The following PNPLA7 variants were observed in gnomAD, a reference collection of about 807,000 sequenced individuals.
PNPLA7 encodes patatin like domain 7, lysophospholipase.
A neutral mutation model predicts 161.7 loss-of-function variants in PNPLA7; 153 were observed. The observed-to-expected ratio is 0.95, with a 90% CI of 0.83 to 1.08. PNPLA7 has a LOEUF of 1.08. PNPLA7 is among the 50% of genes least tolerant of loss of function. The pLI, the probability that PNPLA7 is intolerant of heterozygous loss-of-function variation, is 0.00. For synonymous variants in PNPLA7, 809 were observed against 782.1 expected (o/e 1.03, Z -0.57); for missense variants, 1,739 against 1,856.6 (o/e 0.94, Z 1.16).
intron 8 of PNPLA7, among the ~76,000 whole-genome samples, chr9:137,527,621 A>T (rs1235964401): frequency 2.0e-5 from 3 of 152,200 alleles, no homozygotes; most frequent in African/African-American, 7.2e-5. Flanking sequence ...ATGATGTATT[A>T]TCCTTTTCCA....
At chr9:137,516,722 G>C (rs75806404) in intron 11 of PNPLA7, 9 of 161,864 alleles carry the variant, frequency 5.6e-5, no homozygotes, top group Non-Finnish European at 7.8e-5. Flanking sequence ...GGAGGCTGAC[G>C]CAGGAGAATC....
At chr9:137,462,458 G>T in intron 30 of PNPLA7, 127 bp from the exon 31 acceptor site, 1 of 1,452,990 alleles carries the variant, frequency 6.9e-7, no homozygotes, top group Non-Finnish European at 9.1e-7. Context: ...GGAGAGGGTA[G>T]CAGCACCCGG....
At chr9:137,466,596 C>A (rs1467260516) in intron 26 of PNPLA7, among the ~76,000 whole-genome samples, 2 of 149,208 alleles carry the variant, frequency 1.3e-5, no homozygotes, top group Non-Finnish European at 3.0e-5. Flanking sequence ...ACCACCTCCA[C>A]CAACTCAGAC....
intron 20 of PNPLA7, among the ~76,000 whole-genome samples, chr9:137,485,928 G>C (rs574525782): frequency 1.3e-5 from 2 of 152,170 alleles, no homozygotes; most frequent in South Asian, 4.1e-4. Context: ...ACTGGATGCC[G>C]TCTGGCGAGT....
At chr9:137,501,555 A>G (rs972000216) in intron 15 of PNPLA7, 95 bp downstream of exon 15, 11 of 1,205,990 alleles carry the variant, frequency 9.1e-6, no homozygotes, top group African/African-American at 7.6e-5. Flanking sequence ...GTCCCCAGTC[A>G]CTGGTGTCCA....
chr9:137,468,078 T>TG lies in PNPLA7; in HGVS notation c.2883-606_2883-605insC, dbSNP rs1831558045. Among the ~76,000 whole-genome samples the TG allele has an allele frequency of 1.3e-5, 2 of 151,342 alleles. No individual in the cohort carries two copies. The highest frequency in any genetic ancestry group is 3.0e-5 in the Non-Finnish European group (2 of 67,796). ...CTGAGAGGTGGTGGGAAAACTGGAC[T>TG]TGAGGGGCCCTGGAAGGGAGGAGCC... On this transcript the variant is annotated intron_variant, in intron 25 of 34. Transcript: ENST00000406427. The surrounding 1 kb of genome is among the most constrained non-coding windows in gnomAD (Gnocchi z 4.0).
At position 137,541,391 on chromosome 9, in the gene PNPLA7, G is replaced by A. The variant is rs1182584359; in HGVS notation, c.667-669C>T. 4 of 983,176 alleles carry A rather than the reference G, an allele frequency of 4.1e-6. No homozygotes were observed. Among genetic ancestry groups the A allele is most frequent in the Non-Finnish European group, 4.8e-6 (4 of 828,022 alleles). 60.9% of individuals were successfully genotyped at this position (983,176 alleles called of 1,614,324 possible). ...CCTTTCCCTTCTAATAACCCATCAA[G>A]TCCAGCCACAGACAAAGCGACAAAC... is the stretch of plus-strand genomic sequence containing the variant. On this transcript the variant is annotated intron_variant, in intron 7 of 34. Coordinates refer to ENST00000406427, the MANE Select transcript of PNPLA7 (RefSeq NM_001098537.3). This position sits in a 1 kb window ranked among gnomAD's most constrained non-coding sequence, Gnocchi z 4.4.
At chr9:137,542,421 A>G (rs1836254308) in intron 7 of PNPLA7, among the ~76,000 whole-genome samples, 1 of 152,208 alleles carries the variant, frequency 6.6e-6, no homozygotes, top group South Asian at 2.1e-4. Flanking sequence ...CAGTGAGCTG[A>G]GATCACACCA....
intron 4 of PNPLA7, among the ~76,000 whole-genome samples, chr9:137,545,414 G>A (rs946244734): frequency 7.9e-5 from 12 of 152,296 alleles, no homozygotes; most frequent in African/African-American, 2.6e-4. Context: ...CTGGCCGAGC[G>A]TGAGGCCCTC....
intron 28 of PNPLA7, among the ~76,000 whole-genome samples, chr9:137,463,820 G>A (rs1334804938): frequency 1.3e-5 from 2 of 152,032 alleles, no homozygotes; most frequent in East Asian, 1.9e-4. Context: ...TGAACCAGGT[G>A]AGCCCCTCAC....
chr9:137,543,825 C>T lies in PNPLA7; in HGVS notation c.274-10G>A. The T allele has an allele frequency of 3.1e-6, 5 of 1,610,284 alleles. No individual in the cohort carries two copies. Among genetic ancestry groups the T allele is most frequent in the Non-Finnish European group, 4.2e-6 (5 of 1,177,154 alleles). On this transcript the variant is annotated splice_polypyrimidine_tract_variant and intron_variant, in intron 4 of 34. Coordinates refer to ENST00000406427, the MANE Select transcript of PNPLA7 (RefSeq NM_001098537.3). The surrounding 1 kb of genome is among the most constrained non-coding windows in gnomAD (Gnocchi z 6.9). ...TGGGGAGTGTGGTCACCTGCAGAGC[C>T]AAGGGAGAGACCAGCCACTGACCCT...
chr9:137,462,331 C>A lies in PNPLA7; in HGVS notation c.3493G>T (p.Val1165Leu). Residue 1165 changes from valine (V) to leucine (L), a missense_variant and splice_region_variant, in exon 31 of 35, where the codon GTG becomes TTG. Coordinates refer to ENST00000406427, the MANE Select transcript of PNPLA7 (RefSeq NM_001098537.3). ...GTCTGAATCTCTGCCATGTTCAACA[C>A]CTGCTGCCGTCACAGCCGCCTGAGT... is the stretch of plus-strand genomic sequence containing the variant. The part of the protein sequence containing the change: ...RWNPLATKVK[V>L]LNMAEIQTRL... The A allele has an allele frequency of 1.3e-6, 2 of 1,596,202 alleles. No homozygotes were observed.
chr9:137,527,998 C>T (rs1015003920), intron 8 of PNPLA7, among the ~76,000 whole-genome samples: 1 of 152,184 alleles, frequency 6.6e-6, no homozygotes, highest in Non-Finnish European at 1.5e-5. Flanking sequence ...AGGAATTTGT[C>T]AATTTAATCT....
intron 3 of PNPLA7, 35 bp from the exon 4 acceptor site, chr9:137,546,944 C>T (rs1410527621): frequency 1.5e-5 from 24 of 1,601,778 alleles, no homozygotes; most frequent in Non-Finnish European, 2.1e-5. Context: ...TGAGGTAGAG[C>T]CGTGGCACAG....
intron 12 of PNPLA7, among the ~76,000 whole-genome samples, chr9:137,506,981 A>C (rs1452923618): frequency 6.6e-6 from 1 of 152,246 alleles, no homozygotes; most frequent in East Asian, 1.9e-4. Flanking sequence ...TGCCACACAG[A>C]TGCCGCAGCC....
At chr9:137,494,774 G>A (rs1366880318) in intron 19 of PNPLA7, among the ~76,000 whole-genome samples, 1 of 132,602 alleles carries the variant, frequency 7.5e-6, no homozygotes, top group African/African-American at 3.0e-5. Context: ...CCTGCTCCGT[G>A]ACCTCATCCA....
chr9:137,478,488 G>C (rs540511679), intron 24 of PNPLA7: 457 of 239,020 alleles, frequency 1.9e-3, no homozygotes, highest in Non-Finnish European at 2.9e-3. Context: ...TCCTGCAGCA[G>C]ATGGTGCCTT....
intron 20 of PNPLA7, among the ~76,000 whole-genome samples, chr9:137,485,167 C>A (rs1307294786): frequency 7.9e-5 from 12 of 152,280 alleles, no homozygotes; most frequent in Admixed American, 7.8e-4. Context: ...CCCCACACAG[C>A]AGGTCTGACC....
chr9:137,543,306 C>G lies in PNPLA7; in HGVS notation c.506+126G>C, dbSNP rs1836312239. The G allele has an allele frequency of 8.2e-7, 1 of 1,214,248 alleles. No homozygotes were observed. The highest frequency in any genetic ancestry group is 1.5e-5 in the African/African-American group (1 of 66,174). 75.2% of individuals were successfully genotyped at this position (1,214,248 alleles called of 1,614,324 possible). A position where few individuals can be genotyped will look rare whatever the true frequency, so the allele number is the denominator to read the frequency against. ...CCCCGCCACGGGGCACAGACACCAGCAGCCCCACGATGCGCTTTGCCAACC... is the reference window on the plus strand; with the variant it reads ...CCCCGCCACGGGGCACAGACACCAGGAGCCCCACGATGCGCTTTGCCAACC... On this transcript the variant is annotated intron_variant, in intron 6 of 34. Transcript: ENST00000406427. The surrounding 1 kb of genome is among the most constrained non-coding windows in gnomAD (Gnocchi z 6.9).
Sources: gnomAD v4.1 joint callset for allele counts (sites outside exome capture counted in the v4.1 genomes callset) on GRCh38, gnomAD v4.1.1 for gene constraint, Gnocchi (gnomAD v3.1) non-coding constraint, MANE v1.5 for transcripts, NCBI Gene and HGNC (gene_info 2026-07-23, HGNC 2026-07-21) for gene names.